ADGRL2: variants seen among roughly 807,000 people sequenced by gnomAD.
ADGRL2 encodes calcium-independent alpha-latrotoxin receptor 2.
A neutral mutation model predicts 157.4 loss-of-function variants in ADGRL2; 44 were observed. That is an observed-to-expected ratio of 0.28 (90% CI 0.22 to 0.36). The LOEUF is 0.36. Ranked by LOEUF, ADGRL2 falls within the 10% of genes least tolerant of loss-of-function variation. The pLI, the probability that ADGRL2 is intolerant of heterozygous loss-of-function variation, is 1.00. For synonymous variants in ADGRL2, 585 were observed against 624.7 expected, an observed-to-expected ratio of 0.94 and a Z score of 0.95; for missense variants, 1,510 against 1,768.9, an observed-to-expected ratio of 0.85 and a Z score of 2.63.
intron 2 of ADGRL2, among the ~76,000 whole-genome samples, chr1:81,885,151 G>A (rs1472972666): frequency 1.3e-5 from 2 of 152,132 alleles, no homozygotes; most frequent in Non-Finnish European, 2.9e-5. Context: ...GTAAGGAGGG[G>A]AAAGTGAAGG....
intron 1 of ADGRL2, among the ~76,000 whole-genome samples, chr1:81,318,928 CTTTTTTTTTTTT>C (rs397980625): frequency 8.7e-5 from 4 of 45,830 alleles, no homozygotes; most frequent in East Asian, 1.1e-3. Flanking sequence ...TCCATCAATT[CTTTTTTTTTTTT>C]TTTTTTTTTT....
chr1:81,361,975 C>G (rs979886309), intron 1 of ADGRL2, among the ~76,000 whole-genome samples: 4 of 151,848 alleles, frequency 2.6e-5, no homozygotes, highest in Admixed American at 1.3e-4. Flanking sequence ...AGTCTGCCCT[C>G]CATTCCCGGA....
intron 2 of ADGRL2, among the ~76,000 whole-genome samples, chr1:81,567,671 G>C (rs1170065734): frequency 4.6e-5 from 7 of 152,028 alleles, no homozygotes; most frequent in Non-Finnish European, 1.5e-5. Context: ...GTCCCCATTT[G>C]TCCGCTGTGT....
At chr1:81,649,704 G>T (rs2082375490) in intron 3 of ADGRL2, among the ~76,000 whole-genome samples, 1 of 152,184 alleles carries the variant, frequency 6.6e-6, no homozygotes, top group South Asian at 2.1e-4. Context: ...CCCTGAGGGA[G>T]CTTTACCATG....
At chr1:81,476,283 C>T (rs2078271731) in intron 2 of ADGRL2, among the ~76,000 whole-genome samples, 1 of 152,070 alleles carries the variant, frequency 6.6e-6, no homozygotes, top group African/African-American at 2.4e-5. Context: ...ACTATTATAC[C>T]TTAAAATACT....
rs897758490 is a variant in ADGRL2 at position 81,314,397 on chromosome 1, T to C, written c.-302+7888T>C. ...ACAGCACTGTGTAAAATGGAATGGCTTGAGAAAGGAGAGAGTGGATTATAG... is the reference window on the plus strand; with the variant it reads ...ACAGCACTGTGTAAAATGGAATGGCCTGAGAAAGGAGAGAGTGGATTATAG... On this transcript the variant is annotated intron_variant, in intron 1 of 24. Transcript: ENST00000370721. 6.3e-4 allele frequency among the ~76,000 whole-genome samples: 96 copies of C among 152,148 alleles called. 1 individual carries two copies. The highest frequency in any genetic ancestry group is 3.3e-4 in the Admixed American group (5 of 15,254).
intron 2 of ADGRL2, chr1:81,502,385 A>C: frequency 1.2e-6 from 2 of 1,614,118 alleles, no homozygotes; most frequent in South Asian, 2.2e-5. Context: ...GGGAAGAGAG[A>C]TCTCTCGAGA....
At position 81,986,881 on chromosome 1, in the gene ADGRL2, GT is replaced by G. The variant is rs749897834; in HGVS notation, c.3509-8del. On this transcript the variant is annotated intron_variant, in intron 21 of 23. Transcript: ENST00000686636. ...ATGTACTTTTCTCTGTTTTTTTGTT[GT>G]TTTTTTTTTTTACTTTAGGAATGAC... is the stretch of plus-strand genomic sequence containing the variant. 76,616 of 899,998 alleles carry G rather than the reference GT, an allele frequency of 0.085. 1 individual carries two copies. The highest frequency in any genetic ancestry group is 0.12 in the South Asian group (5,630 of 47,706). 55.8% of individuals were successfully genotyped at this position (899,998 alleles called of 1,614,324 possible). A position where few individuals can be genotyped will look rare whatever the true frequency, so the allele number is the denominator to read the frequency against.
chr1:81,608,416 C>A (rs1557502401), intron 3 of ADGRL2, among the ~76,000 whole-genome samples: 1 of 150,272 alleles, frequency 6.7e-6, no homozygotes, highest in Admixed American at 6.7e-5. Flanking sequence ...ATGTCCATAT[C>A]TGTTATACTT....
chr1:81,776,716 T>G (rs998262135), intron 2 of ADGRL2, among the ~76,000 whole-genome samples: 3 of 152,162 alleles, frequency 2.0e-5, no homozygotes, highest in Non-Finnish European at 4.4e-5. Context: ...CAATACAACT[T>G]AGATCCCTGC....
chr1:81,654,441 G>C (rs2082487810), intron 3 of ADGRL2, among the ~76,000 whole-genome samples: 1 of 152,108 alleles, frequency 6.6e-6, no homozygotes, highest in South Asian at 2.1e-4. Context: ...CTGTTGCGGT[G>C]AAGGTCTAAT....
chr1:81,670,866 T>C (rs1293095754), intron 3 of ADGRL2, among the ~76,000 whole-genome samples: 1 of 152,158 alleles, frequency 6.6e-6, no homozygotes, highest in African/African-American at 2.4e-5. Context: ...CACGCCACCA[T>C]GTCCAGCTAA....
At chr1:81,663,951 T>G (rs1388971285) in intron 3 of ADGRL2, among the ~76,000 whole-genome samples, 1 of 152,122 alleles carries the variant, frequency 6.6e-6, no homozygotes, top group Non-Finnish European at 1.5e-5. Flanking sequence ...AGGATATCCG[T>G]TTTTGCTTGA....
At chr1:81,431,966 G>A (rs973183510) in intron 1 of ADGRL2, among the ~76,000 whole-genome samples, 1 of 152,188 alleles carries the variant, frequency 6.6e-6, no homozygotes, top group African/African-American at 2.4e-5. Flanking sequence ...GTTCGGGGGT[G>A]TTGTATTATC....
chr1:81,375,572 T>C (rs1464755592), intron 1 of ADGRL2, among the ~76,000 whole-genome samples: 3 of 152,182 alleles, frequency 2.0e-5, no homozygotes, highest in African/African-American at 7.2e-5. Flanking sequence ...CTTACAAACA[T>C]TGGAAATATT....
chr1:81,655,246 C>T (rs955277967), intron 3 of ADGRL2, among the ~76,000 whole-genome samples: 7 of 152,144 alleles, frequency 4.6e-5, no homozygotes, highest in African/African-American at 9.7e-5. Flanking sequence ...GTGATCCGCC[C>T]GCCTCGGCCT....
At chr1:81,721,637 C>A (rs756621291) in intron 1 of ADGRL2, 19 of 775,850 alleles carry the variant, frequency 2.4e-5, no homozygotes, top group Non-Finnish European at 3.2e-5. Context: ...GCCAAGCCAG[C>A]GCCTGGGCCT....
intron 1 of ADGRL2, among the ~76,000 whole-genome samples, chr1:81,328,866 T>C (rs963139305): frequency 6.6e-6 from 1 of 151,974 alleles, no homozygotes; most frequent in African/African-American, 2.4e-5. Flanking sequence ...CAGAAGCGCT[T>C]AATTATCATT....
At position 81,612,590 on chromosome 1, in the gene ADGRL2, T is replaced by C. The variant is rs150554909; in HGVS notation, c.-143+31610T>C. 1.4e-3 allele frequency among the ~76,000 whole-genome samples: 220 copies of C among 152,172 alleles called. No individual in the cohort carries two copies. In the Middle Eastern group the frequency reaches 0.017, roughly 12 times the overall value. On this transcript the variant is annotated intron_variant, in intron 3 of 24. Transcript: ENST00000370721. ...TGCACATAGTACTTGGTCTCTCCCA[T>C]GTGTTTGAGGTGGAATTTGTTGGCA...
Sources: gnomAD v4.1 joint callset for allele counts (sites outside exome capture counted in the v4.1 genomes callset) on GRCh38, gnomAD v4.1.1 for gene constraint, MANE v1.5 for transcripts, NCBI Gene and HGNC (gene_info 2026-07-23, HGNC 2026-07-21) for gene names.